Variants in CDC73 observed in about 807,000 individuals in gnomAD.
CDC73 encodes cell division cycle 73.
Under a neutral mutation model 83.7 loss-of-function variants are expected in CDC73, and 21 were observed. The observed-to-expected ratio is 0.25, with a 90% CI of 0.18 to 0.36. The LOEUF is 0.36. CDC73 is among the 10% of genes least tolerant of loss of function. CDC73 has a pLI of 1.00. For synonymous variants in CDC73, 224 were observed against 212.9 expected (o/e 1.05, Z -0.45); for missense variants, 342 against 653.3 (o/e 0.52, Z 5.19).
intron 11 of CDC73, among the ~76,000 whole-genome samples, chr1:193,209,063 G>A (rs182892369): frequency 2.8e-4 from 42 of 152,282 alleles, no homozygotes; most frequent in African/African-American, 9.6e-4. Flanking sequence ...CTGGGCTCCC[G>A]TACTCTGCTG....
At chr1:193,199,959 T>C (rs1277218506) in intron 10 of CDC73, among the ~76,000 whole-genome samples, 1 of 151,692 alleles carries the variant, frequency 6.6e-6, no homozygotes, top group Non-Finnish European at 1.5e-5. Context: ...ATAAAAACTT[T>C]CAGGCCAAGC....
Position 193,236,018 on chromosome 1 carries a change from A to G in CDC73, c.1317-238A>G, listed in dbSNP as rs541298621. 1.9e-4 allele frequency among the ~76,000 whole-genome samples: 29 copies of G among 152,348 alleles called. 1 individual carries two copies. Among genetic ancestry groups the G allele is most frequent in the African/African-American group, 7.0e-4 (29 of 41,588 alleles). ...TATTGTCCATTGAATTATGTTTAAA[A>G]GACTTAGGTGTAAAAACCAGATACA... On this transcript the variant is annotated intron_variant, in intron 14 of 16. Transcript: ENST00000367435.
intron 15 of CDC73, among the ~76,000 whole-genome samples, chr1:193,248,706 G>T (rs143857626): frequency 2.0e-4 from 31 of 152,128 alleles, no homozygotes; most frequent in African/African-American, 7.2e-4. Flanking sequence ...TGACTTTGAG[G>T]GGTTCAAGAC....
chr1:193,184,846 T>G (rs1676778083), intron 10 of CDC73, among the ~76,000 whole-genome samples: 9 of 151,998 alleles, frequency 5.9e-5, no homozygotes, highest in Admixed American at 5.9e-4. Flanking sequence ...ATCTTCATTT[T>G]GGAATGCAGT....
At chr1:193,180,469 T>C in intron 10 of CDC73, 1 of 1,614,042 alleles carries the variant, frequency 6.2e-7, no homozygotes, top group Non-Finnish European at 8.5e-7. Context: ...TCGCCAGTGA[T>C]TGAACACAAA....
chr1:193,148,150 C>T (rs1349582349), intron 8 of CDC73, among the ~76,000 whole-genome samples, 185 bp downstream of exon 8: 1 of 152,190 alleles, frequency 6.6e-6, no homozygotes, highest in South Asian at 2.1e-4. Flanking sequence ...AGCAGTAATT[C>T]TTAACTGGAG....
chr1:193,166,797 G>C (rs1438087648), intron 10 of CDC73, among the ~76,000 whole-genome samples: 1 of 151,868 alleles, frequency 6.6e-6, no homozygotes, highest in Non-Finnish European at 1.5e-5. Context: ...ACAGTTATGC[G>C]CCACCACGCC....
At chr1:193,203,887 C>G in intron 11 of CDC73, 35 bp downstream of exon 11, 1 of 1,581,214 alleles carries the variant, frequency 6.3e-7, no homozygotes. Flanking sequence ...TGTTTTCTTT[C>G]AAAAGATCGT....
At chr1:193,129,158 T>A (rs1007685487) in intron 2 of CDC73, among the ~76,000 whole-genome samples, 1 of 151,860 alleles carries the variant, frequency 6.6e-6, no homozygotes, top group Non-Finnish European at 1.5e-5. Context: ...TCACCGCGCC[T>A]AGCTAATTTT....
chr1:193,194,911 G>A (rs1342661995), intron 10 of CDC73, among the ~76,000 whole-genome samples: 2 of 152,010 alleles, frequency 1.3e-5, no homozygotes, highest in African/African-American at 4.8e-5. Context: ...TATAATTTGT[G>A]AAATAAATCT....
At chr1:193,166,433 G>T (rs1461902937) in intron 10 of CDC73, among the ~76,000 whole-genome samples, 1 of 152,094 alleles carries the variant, frequency 6.6e-6, no homozygotes, top group East Asian at 1.9e-4. Flanking sequence ...GAGCCACTGC[G>T]CCCAGCCTTA....
At chr1:193,146,859 A>G (rs575346121) in intron 7 of CDC73, among the ~76,000 whole-genome samples, 1 of 152,342 alleles carries the variant, frequency 6.6e-6, no homozygotes, top group East Asian at 1.9e-4. Context: ...AAAAGTGTAC[A>G]TTGACTTCTG....
intron 10 of CDC73, chr1:193,185,931 A>C (rs1676798900): frequency 1.3e-5 from 2 of 152,216 alleles, no homozygotes; most frequent in Admixed American, 6.5e-5. Flanking sequence ...AGTGAGCTGT[A>C]TGAACTTGCT....
chr1:193,191,460 T>C (rs1231589246), intron 10 of CDC73, among the ~76,000 whole-genome samples: 2 of 152,204 alleles, frequency 1.3e-5, no homozygotes, highest in South Asian at 2.1e-4. Context: ...TGATCTTGGC[T>C]CACTGCAACT....
intron 13 of CDC73, among the ~76,000 whole-genome samples, chr1:193,229,406 A>T (rs1435489773): frequency 6.6e-6 from 1 of 152,250 alleles, no homozygotes; most frequent in Non-Finnish European, 1.5e-5. Context: ...TTAGGTCATA[A>T]GGGCTCTGCC....
At chr1:193,216,122 A>G (rs1047756888) in intron 13 of CDC73, among the ~76,000 whole-genome samples, 8 of 152,196 alleles carry the variant, frequency 5.3e-5, no homozygotes, top group Admixed American at 2.0e-4. Context: ...CTAAATTGAT[A>G]TGTGAAAATC....
intron 10 of CDC73, chr1:193,181,662 A>T: frequency 1.8e-6 from 2 of 1,132,840 alleles, no homozygotes; most frequent in Non-Finnish European, 1.3e-6. Flanking sequence ...ATTCAGTCAC[A>T]TTGTCTCTCT....
At chr1:193,192,968 G>T (rs938843249) in intron 10 of CDC73, among the ~76,000 whole-genome samples, 2 of 152,136 alleles carry the variant, frequency 1.3e-5, no homozygotes, top group African/African-American at 4.8e-5. Flanking sequence ...AGAGAATTAG[G>T]CTGCTTTCAG....
intron 10 of CDC73, 74 bp downstream of exon 10, chr1:193,152,518 T>G: frequency 1.1e-6 from 1 of 943,414 alleles, no homozygotes; most frequent in Non-Finnish European, 1.7e-6. Flanking sequence ...AAGTAAATCT[T>G]TAGTCTCTCA....
Sources: gnomAD v4.1 joint callset for allele counts (sites outside exome capture counted in the v4.1 genomes callset) on GRCh38, gnomAD v4.1.1 for gene constraint, MANE v1.5 for transcripts, NCBI Gene and HGNC (gene_info 2026-07-23, HGNC 2026-07-21) for gene names.